Variants in PLXNA2 observed in about 807,000 individuals in gnomAD.
PLXNA2 encodes the protein plexin A2.
PLXNA2 carries 91 observed loss-of-function variants against 193.5 expected under a neutral mutation model. The observed-to-expected ratio is 0.47, with a 90% CI of 0.40 to 0.56. PLXNA2 has a LOEUF of 0.56. Ranked by LOEUF, PLXNA2 falls within the 20% of genes least tolerant of loss-of-function variation. The pLI is 0.00. For synonymous variants in PLXNA2, 997 were observed against 1,027.3 expected, an observed-to-expected ratio of 0.97 and a Z score of 0.56; for missense variants, 1,995 against 2,503.2, an observed-to-expected ratio of 0.80 and a Z score of 4.33.
At position 208,023,704 on chromosome 1, in the gene PLXNA2, G is replaced by C. The variant is rs1664254810; in HGVS notation, c.*3539C>G. ...CCTGTGCCACTAGGGGAGGAGAACT[G>C]TTGCCTGCTAAGTTGGTGGCAGGAA... On this transcript the variant is annotated 3_prime_UTR_variant, in exon 32 of 32. Coordinates refer to ENST00000367033, the MANE Select transcript of PLXNA2 (RefSeq NM_025179.4). 1 of 152,308 alleles carries C rather than the reference G, an allele frequency of 6.6e-6. No homozygotes were observed. The highest frequency in any genetic ancestry group is 1.5e-5 in the Non-Finnish European group (1 of 68,062). 9.4% of individuals were successfully genotyped at this position (152,308 alleles called of 1,614,324 possible).
At position 208,051,320 on chromosome 1, in the gene PLXNA2, G is replaced by C; in HGVS notation, c.3097C>G (p.Leu1033Val). ...GGGTCATCTATGTACTCAAACTGCA[G>C]GTTGCTATCCACATGGGCTCGGTCG... Reference protein sequence around the residue: ...SVDRAHVDSNLQFEYIDDPRV... With the variant: ...SVDRAHVDSNVQFEYIDDPRV... Residue 1033 changes from leucine (L) to valine (V), a missense_variant, in exon 16 of 32, where the codon CTG becomes GTG. This residue lies in a region of PLXNA2 where 1,291 missense variants were observed against 1,673.6 expected (regional missense o/e 0.77). Coordinates refer to ENST00000367033, the MANE Select transcript of PLXNA2 (RefSeq NM_025179.4). The C allele has an allele frequency of 1.9e-6, 3 of 1,613,832 alleles. No homozygotes were observed. The highest frequency in any genetic ancestry group is 1.3e-5 in the African/African-American group (1 of 75,016).
intron 26 of PLXNA2, among the ~76,000 whole-genome samples, chr1:208,037,008 A>T: frequency 6.6e-6 from 1 of 152,162 alleles, no homozygotes; most frequent in East Asian, 1.9e-4. Flanking sequence ...GTTCTACTGG[A>T]TACATTAAGC....
In PLXNA2 at chr1:208,201,842, C is replaced by T. The variant is rs567848125; in HGVS notation, c.1371+8438G>A. ...TGTGCCCAAGCTCTGCACTCCATCC[C>T]TTCCATGAATTATTTCTTTATGATC... On this transcript the variant is annotated intron_variant, in intron 3 of 31. Coordinates refer to ENST00000367033, the MANE Select transcript of PLXNA2 (RefSeq NM_025179.4). Among the ~76,000 whole-genome samples, 319 of 152,260 alleles carry T rather than the reference C, an allele frequency of 2.1e-3. 4 individuals carry two copies. The highest frequency in any genetic ancestry group is 0.014 in the Middle Eastern group (4 of 294).
At chr1:208,210,065 CT>C (rs1670885667) in intron 3 of PLXNA2, 5 of 380,470 alleles carry the variant, frequency 1.3e-5, no homozygotes, top group South Asian at 1.2e-4. Flanking sequence ...TTGAAATACG[CT>C]TGCATTCCTT....
intron 4 of PLXNA2, among the ~76,000 whole-genome samples, chr1:208,115,670 C>A (rs1358733113): frequency 6.6e-6 from 1 of 152,094 alleles, no homozygotes; most frequent in Non-Finnish European, 1.5e-5. Flanking sequence ...TCTGTGTAGA[C>A]ATTAAGTTCA....
intron 1 of PLXNA2, among the ~76,000 whole-genome samples, chr1:208,239,880 G>A (rs1671990027): frequency 6.6e-6 from 1 of 152,224 alleles, no homozygotes; most frequent in African/African-American, 2.4e-5. Flanking sequence ...AGGTGAGTGG[G>A]GGTCAGTGGC....
At chr1:208,055,198 G>A (rs1017708533) in intron 13 of PLXNA2, among the ~76,000 whole-genome samples, 1 of 152,188 alleles carries the variant, frequency 6.6e-6, no homozygotes, top group Non-Finnish European at 1.5e-5. Context: ...AGCACACCCG[G>A]TGGGAGAGAC....
At chr1:208,091,450 G>A (rs1473766644) in intron 9 of PLXNA2, among the ~76,000 whole-genome samples, 9 of 152,306 alleles carry the variant, frequency 5.9e-5, no homozygotes, top group East Asian at 5.8e-4. Context: ...AAGGTCATTC[G>A]TTCATCCATT....
At chr1:208,064,332 A>C (rs752016) in intron 12 of PLXNA2, among the ~76,000 whole-genome samples, 1 of 152,124 alleles carries the variant, frequency 6.6e-6, no homozygotes, top group Admixed American at 6.6e-5. Flanking sequence ...CACTTGCTCT[A>C]AAAACCTTCC....
intron 4 of PLXNA2, among the ~76,000 whole-genome samples, chr1:208,109,248 G>A (rs1449343674): frequency 6.6e-6 from 1 of 152,106 alleles, no homozygotes; most frequent in African/African-American, 2.4e-5. Context: ...TGAAGCTGAT[G>A]GAGCTGGCTC....
In PLXNA2 at chr1:208,082,405, C is replaced by T. The variant is rs199592743; in HGVS notation, c.2395+7G>A. On this transcript the variant is annotated splice_region_variant and intron_variant, in intron 11 of 31. Coordinates refer to ENST00000367033, the MANE Select transcript of PLXNA2 (RefSeq NM_025179.4). This position sits in a 1 kb window ranked among gnomAD's most constrained non-coding sequence, Gnocchi z 4.2. The stretch of plus-strand genomic sequence containing the variant: ...GATCAAACTTCTACCCGGAAGTAGC[C>T]GCTTACCTTTCAGGTCCTGAGGGTT... 16 of 1,612,298 alleles carry T rather than the reference C, an allele frequency of 9.9e-6. No homozygotes were observed. The highest frequency in any genetic ancestry group is 8.9e-5 in the East Asian group (4 of 44,866).
intron 3 of PLXNA2, among the ~76,000 whole-genome samples, chr1:208,186,852 T>G (rs1349547838): frequency 6.6e-6 from 1 of 151,270 alleles, no homozygotes; most frequent in African/African-American, 2.4e-5. Context: ...CCCGAGTAGC[T>G]GGGACTACAG....
At chr1:208,214,832 G>A (rs1558248656) in intron 2 of PLXNA2, among the ~76,000 whole-genome samples, 1 of 152,126 alleles carries the variant, frequency 6.6e-6, no homozygotes, top group South Asian at 2.1e-4. Context: ...ATGTAGAGAT[G>A]CTAAGGTGCT....
intron 3 of PLXNA2, among the ~76,000 whole-genome samples, chr1:208,163,473 A>G (rs1669198388): frequency 6.6e-6 from 1 of 152,076 alleles, no homozygotes; most frequent in Admixed American, 6.6e-5. Flanking sequence ...AGAGAGAGGG[A>G]GCAGTATGGG....
At chr1:208,143,919 T>G (rs1278601288) in intron 3 of PLXNA2, among the ~76,000 whole-genome samples, 1 of 152,200 alleles carries the variant, frequency 6.6e-6, no homozygotes, top group East Asian at 1.9e-4. Flanking sequence ...AGGACTAGCA[T>G]GCGACTGGGA....
chr1:208,176,689 G>A (rs1437340265), intron 3 of PLXNA2, among the ~76,000 whole-genome samples: 2 of 152,220 alleles, frequency 1.3e-5, no homozygotes, highest in African/African-American at 4.8e-5. Context: ...AGCCCATGCT[G>A]AACTAAAAGC....
chr1:208,200,577 CTTTTT>C (rs36026400), intron 3 of PLXNA2, among the ~76,000 whole-genome samples: 29 of 113,992 alleles, frequency 2.5e-4, no homozygotes, highest in African/African-American at 7.6e-4. Context: ...CCCAATCCTT[CTTTTT>C]TTTTTTTTTT....
chr1:208,204,988 C>T (rs1670671263), intron 3 of PLXNA2, among the ~76,000 whole-genome samples: 1 of 152,156 alleles, frequency 6.6e-6, no homozygotes, highest in Non-Finnish European at 1.5e-5. Context: ...AAACACTACC[C>T]CCCAGCTTCT....
intron 3 of PLXNA2, among the ~76,000 whole-genome samples, chr1:208,208,041 A>G (rs945734185): frequency 1.4e-4 from 22 of 152,358 alleles, no homozygotes; most frequent in Middle Eastern, 3.4e-3. Context: ...AACTTGGCCA[A>G]CTCAGGTGTG....
Sources: allele counts gnomAD v4.1 joint callset (sites outside exome capture counted in the v4.1 genomes callset), GRCh38; gene constraint gnomAD v4.1.1; regional missense constraint gnomAD v4.1.1; non-coding constraint Gnocchi (gnomAD v3.1); transcripts MANE v1.5; gene names NCBI Gene and HGNC (gene_info 2026-07-23, HGNC 2026-07-21).